DPP6: variants seen among roughly 807,000 people sequenced by gnomAD.
DPP6 encodes dipeptidyl peptidase like 6, also known as A-type potassium channel modulatory protein DPP6.
In DPP6, 69 loss-of-function variants were observed where a neutral mutation model predicts 122.6. That is an observed-to-expected ratio of 0.56 (90% CI 0.46 to 0.69). DPP6 has a LOEUF of 0.69. Ranked by LOEUF, DPP6 falls within the 30% of genes least tolerant of loss-of-function variation. The pLI is 0.00. For synonymous variants in DPP6, 418 were observed against 433.1 expected, an observed-to-expected ratio of 0.97 and a Z score of 0.43; for missense variants, 928 against 1,116.9, an observed-to-expected ratio of 0.83 and a Z score of 2.41.
chr7:154,281,260 G>A (rs1004124449), intron 1 of DPP6, among the ~76,000 whole-genome samples: 4 of 151,990 alleles, frequency 2.6e-5, no homozygotes, highest in East Asian at 1.9e-4. Flanking sequence ...TGATCCGCCC[G>A]CTTCGACCTC....
In DPP6 at chr7:154,379,819, A is replaced by G. The variant is rs915695115; in HGVS notation, c.244-66395A>G. Among the ~76,000 whole-genome samples, 12 of 152,350 alleles carry G rather than the reference A, an allele frequency of 7.9e-5. No individual in the cohort carries two copies. In the South Asian group the frequency reaches 8.3e-4, roughly 11 times the overall value. On this transcript the variant is annotated intron_variant, in intron 1 of 25. Coordinates refer to ENST00000377770, the MANE Select transcript of DPP6 (RefSeq NM_130797.4). ...GGTCTAGTGGACACAACTTAAGCCA[A>G]TAGCCAAACTAAGCATTGCCAATAT...
rs368876746 is a variant in DPP6 at position 154,540,636 on chromosome 7, C to G, written c.552+10C>G. The G allele has an allele frequency of 1.4e-6, 2 of 1,463,080 alleles. No homozygotes were observed. Among genetic ancestry groups the G allele is most frequent in the East Asian group, 2.3e-5 (1 of 42,794 alleles). The allele number at this position is 1,463,080 out of a possible 1,614,324, so 90.6% of individuals were successfully genotyped here. ...AGAAGGCAAAAAAATTGTAAGTACT[C>G]TCTTTAATGACCGGGATAATTTCAG... is the stretch of plus-strand genomic sequence containing the variant. On this transcript the variant is annotated intron_variant, in intron 4 of 25. Coordinates refer to ENST00000377770, the MANE Select transcript of DPP6 (RefSeq NM_130797.4).
intron 1 of DPP6, among the ~76,000 whole-genome samples, chr7:153,992,751 CTA>C (rs1177127511): frequency 6.6e-6 from 1 of 152,200 alleles, no homozygotes; most frequent in African/African-American, 2.4e-5. Flanking sequence ...GCAATTGACA[CTA>C]TGACTAAATG....
chr7:154,223,923 T>A (rs1800446905), intron 1 of DPP6, among the ~76,000 whole-genome samples: 1 of 148,314 alleles, frequency 6.7e-6, no homozygotes, highest in Non-Finnish European at 1.5e-5. Context: ...ACCTGACCAT[T>A]CCCTGGGAAG....
At chr7:154,630,832 C>T (rs1034470109) in intron 5 of DPP6, among the ~76,000 whole-genome samples, 1 of 152,110 alleles carries the variant, frequency 6.6e-6, no homozygotes, top group Non-Finnish European at 1.5e-5. Context: ...ATCCCTAATG[C>T]ATGCAGGGCT....
rs116828190 is a variant in DPP6, at chr7:154,437,042, G to T, written c.244-9172G>T. Among the ~76,000 whole-genome samples the T allele has an allele frequency of 1.0e-3, 156 of 152,282 alleles. 1 individual carries two copies. The highest frequency in any genetic ancestry group is 3.4e-3 in the African/African-American group (140 of 41,564). On this transcript the variant is annotated intron_variant, in intron 1 of 25. Coordinates refer to ENST00000377770, the MANE Select transcript of DPP6 (RefSeq NM_130797.4). Reference sequence around the variant, plus strand: ...TCTGTTACATGGAATACACCACTCTGGTAGACAGACCAATGACACCCCATG... The same window carrying T: ...TCTGTTACATGGAATACACCACTCTTGTAGACAGACCAATGACACCCCATG...
chr7:153,865,117 A>C, the DPP6 span, among the ~76,000 whole-genome samples: 1 of 152,220 alleles, frequency 6.6e-6, no homozygotes, highest in Admixed American at 6.5e-5. Flanking sequence ...AGCATCTTAC[A>C]TGTAGTAAAT....
chr7:154,881,549 G>A (rs1805387246), intron 21 of DPP6, among the ~76,000 whole-genome samples: 1 of 152,188 alleles, frequency 6.6e-6, no homozygotes, highest in Non-Finnish European at 1.5e-5. Context: ...TCTCAAGAAG[G>A]CCAGCACACA....
At chr7:154,195,272 A>G (rs1229635801) in intron 1 of DPP6, among the ~76,000 whole-genome samples, 3 of 152,186 alleles carry the variant, frequency 2.0e-5, no homozygotes, top group African/African-American at 7.2e-5. Flanking sequence ...ATTATAGCAC[A>G]TGTGATATAA....
intron 3 of DPP6, among the ~76,000 whole-genome samples, chr7:154,477,843 G>A (rs1181147081): frequency 6.6e-6 from 1 of 152,176 alleles, no homozygotes; most frequent in African/African-American, 2.4e-5. Context: ...CTTTGGTGTT[G>A]AGGAGCTTTC....
In DPP6 at chr7:154,863,543, G is replaced by C. The variant is rs1348614119; in HGVS notation, c.1715-4452G>C. ...GATTTTTTTATGTTTATATTTTGTA[G>C]AGATGGAGTTGGGATTACAGGTGTG... On this transcript the variant is annotated intron_variant, in intron 17 of 25. Coordinates refer to ENST00000377770, the MANE Select transcript of DPP6 (RefSeq NM_130797.4). The surrounding 1 kb of genome is among the most constrained non-coding windows in gnomAD (Gnocchi z 4.1). Among the ~76,000 whole-genome samples the C allele has an allele frequency of 6.6e-6, 1 of 151,868 alleles. No homozygotes were observed. The highest frequency in any genetic ancestry group is 1.5e-5 in the Non-Finnish European group (1 of 67,988).
At chr7:153,929,765 G>T (rs894291747) in intron 1 of DPP6, among the ~76,000 whole-genome samples, 2 of 152,010 alleles carry the variant, frequency 1.3e-5, no homozygotes, top group African/African-American at 4.8e-5. Flanking sequence ...AGCTTTTCTT[G>T]CTAAATTACT....
intron 1 of DPP6, among the ~76,000 whole-genome samples, chr7:154,082,413 A>G (rs1315591300): frequency 6.6e-6 from 1 of 152,140 alleles, no homozygotes; most frequent in Admixed American, 6.5e-5. Context: ...ACTTATGGAG[A>G]GGATGGAGAG....
intron 1 of DPP6, among the ~76,000 whole-genome samples, chr7:154,170,632 C>T (rs141799779): frequency 1.6e-4 from 24 of 152,302 alleles, no homozygotes; most frequent in Non-Finnish European, 2.8e-4. Context: ...TGGCTGCCAA[C>T]GGCTTGCCCT....
At chr7:154,757,937 C>A (rs1415049853) in intron 8 of DPP6, among the ~76,000 whole-genome samples, 1 of 152,168 alleles carries the variant, frequency 6.6e-6, no homozygotes, top group African/African-American at 2.4e-5. Context: ...GGAGGGGGTG[C>A]CTGAGTGGCC....
intron 10 of DPP6, among the ~76,000 whole-genome samples, chr7:154,787,414 T>C (rs1797402313): frequency 6.6e-6 from 1 of 152,252 alleles, no homozygotes; most frequent in African/African-American, 2.4e-5. Flanking sequence ...TTATTAAATG[T>C]AAAATTATCA....
intron 1 of DPP6, among the ~76,000 whole-genome samples, chr7:154,275,468 C>A (rs2150940957): frequency 6.6e-6 from 1 of 152,300 alleles, no homozygotes; most frequent in Non-Finnish European, 1.5e-5. Flanking sequence ...GGTCTCGGGG[C>A]CTCTCCTTTA....
intron 1 of DPP6, among the ~76,000 whole-genome samples, chr7:153,900,580 ACCC>A (rs1429707421): frequency 1.3e-5 from 2 of 152,144 alleles, no homozygotes; most frequent in Non-Finnish European, 2.9e-5. Flanking sequence ...ACAATCAGTT[ACCC>A]AGGGAATGAG....
intron 16 of DPP6, among the ~76,000 whole-genome samples, chr7:154,847,869 G>A (rs1802066909): frequency 6.6e-6 from 1 of 152,052 alleles, no homozygotes; most frequent in African/African-American, 2.4e-5. Flanking sequence ...TCTACTCTTT[G>A]TTTCTACGAA....
Sources: allele counts gnomAD v4.1 joint callset (sites outside exome capture counted in the v4.1 genomes callset), GRCh38; gene constraint gnomAD v4.1.1; non-coding constraint Gnocchi (gnomAD v3.1); transcripts MANE v1.5; gene names NCBI Gene and HGNC (gene_info 2026-07-23, HGNC 2026-07-21).